The following IPO11 variants were observed in gnomAD, a reference collection of about 807,000 sequenced individuals.
The protein encoded by IPO11 is importin 11, also known as importin-11.
IPO11 carries 66 observed loss-of-function variants against 143.2 expected under a neutral mutation model. The observed-to-expected ratio is 0.46, with a 90% CI of 0.38 to 0.57. The LOEUF (loss-of-function observed/expected upper bound fraction) is 0.57. IPO11 is among the 20% of genes least tolerant of loss of function. The pLI is 0.00. For missense variants in IPO11, 1,026 were observed against 1,141.0 expected (o/e 0.90, Z 1.45); for synonymous variants, 385 against 377.8 (o/e 1.02, Z -0.22).
At chr5:62,427,153 T>C (rs153861) in intron 1 of IPO11, among the ~76,000 whole-genome samples, 46,490 of 151,362 alleles carry the variant, frequency 0.31, 7,520 homozygotes, top group East Asian at 0.46. Context: ...TTGACCAGGC[T>C]GGTCTCGAGC....
intron 5 of IPO11, among the ~76,000 whole-genome samples, chr5:62,454,169 T>C (rs1233653144): frequency 6.6e-6 from 1 of 152,158 alleles, no homozygotes; most frequent in Non-Finnish European, 1.5e-5. Context: ...GCCAGTCTTA[T>C]GTTCATCCTA....
At chr5:62,545,929 A>T (rs1424259290) in intron 24 of IPO11, among the ~76,000 whole-genome samples, 1 of 152,354 alleles carries the variant, frequency 6.6e-6, no homozygotes, top group African/African-American at 2.4e-5. Flanking sequence ...AATGGCAACC[A>T]TTAAAAAGTC....
At chr5:62,556,225 T>C (rs555096446) in intron 26 of IPO11, among the ~76,000 whole-genome samples, 32 of 152,294 alleles carry the variant, frequency 2.1e-4, no homozygotes, top group Admixed American at 1.4e-3. Context: ...CTTGGGGGGC[T>C]GAGGCAGGAG....
intron 26 of IPO11, among the ~76,000 whole-genome samples, chr5:62,559,583 T>G (rs1486122749): frequency 1.3e-5 from 2 of 152,102 alleles, no homozygotes; most frequent in Non-Finnish European, 2.9e-5. Flanking sequence ...CTTTGTTGCT[T>G]TTGTTTTTGT....
chr5:62,421,737 G>T (rs1269724017), intron 1 of IPO11, among the ~76,000 whole-genome samples: 2 of 152,182 alleles, frequency 1.3e-5, no homozygotes, highest in East Asian at 3.8e-4. Context: ...ACAACTGAGA[G>T]AAAAATTATT....
chr5:62,494,174 T>C, intron 16 of IPO11, 50 bp downstream of exon 16: 2 of 1,528,048 alleles, frequency 1.3e-6, no homozygotes, highest in South Asian at 1.2e-5. Context: ...GTTTCATCTG[T>C]GCAAATCATC....
At chr5:62,565,405 G>C (rs1743899269) in intron 27 of IPO11, among the ~76,000 whole-genome samples, 1 of 152,158 alleles carries the variant, frequency 6.6e-6, no homozygotes, top group Admixed American at 6.5e-5. Flanking sequence ...AGAATTGCTT[G>C]AACCCGGGAG....
intron 1 of IPO11, among the ~76,000 whole-genome samples, chr5:62,414,342 G>C (rs1467546411): frequency 6.6e-6 from 1 of 152,022 alleles, no homozygotes; most frequent in African/African-American, 2.4e-5. Flanking sequence ...TTCAAATTTT[G>C]GGTAAGGTAA....
chr5:62,559,814 G>A (rs893101815), intron 26 of IPO11, among the ~76,000 whole-genome samples: 1 of 149,776 alleles, frequency 6.7e-6, no homozygotes, highest in African/African-American at 2.5e-5. Flanking sequence ...TACTTGGGAG[G>A]CTCAGGCAGG....
At chr5:62,479,092 C>A (rs1161483294) in intron 9 of IPO11, among the ~76,000 whole-genome samples, 1 of 152,136 alleles carries the variant, frequency 6.6e-6, no homozygotes, top group Non-Finnish European at 1.5e-5. Flanking sequence ...CCCCATTCCA[C>A]CACCCCACGG....
At chr5:62,419,209 T>G in intron 1 of IPO11, 2 of 1,438,632 alleles carry the variant, frequency 1.4e-6, no homozygotes. Context: ...ATGGTACATC[T>G]GTACAGGGCA....
chr5:62,486,120 A>G (rs1161290761), intron 12 of IPO11, among the ~76,000 whole-genome samples: 3 of 151,528 alleles, frequency 2.0e-5, no homozygotes, highest in Non-Finnish European at 4.4e-5. Context: ...AGCTGGGAAT[A>G]CAGGCGCCCG....
intron 27 of IPO11, chr5:62,580,084 TTA>T (rs772975524): frequency 6.4e-7 from 1 of 1,551,142 alleles, no homozygotes; most frequent in Non-Finnish European, 8.7e-7. Context: ...AAGTAATAAT[TTA>T]ACAAAAGTAC....
At chr5:62,488,162 A>T (rs1173062954) in intron 13 of IPO11, among the ~76,000 whole-genome samples, 1 of 152,170 alleles carries the variant, frequency 6.6e-6, no homozygotes, top group African/African-American at 2.4e-5. Context: ...TAGTGAGAAA[A>T]GGTTAAAATA....
At chr5:62,504,817 T>G in intron 17 of IPO11, 41 bp from the exon 18 acceptor site, 1 of 1,419,708 alleles carries the variant, frequency 7.0e-7, no homozygotes, top group East Asian at 2.3e-5. Context: ...TTTATTTTGA[T>G]AAAACTTATA....
At chr5:62,503,588 T>C (rs189124000) in intron 16 of IPO11, among the ~76,000 whole-genome samples, 34 of 152,208 alleles carry the variant, frequency 2.2e-4, no homozygotes, top group African/African-American at 7.7e-4. Context: ...TACCTGACCA[T>C]ACTGTCTTTT....
chr5:62,519,006 G>A (rs1742121275), intron 20 of IPO11, among the ~76,000 whole-genome samples: 2 of 152,186 alleles, frequency 1.3e-5, no homozygotes. Flanking sequence ...TATTGCTATT[G>A]GGGGTACATG....
chr5:62,576,533 G>C (rs776002882), intron 27 of IPO11, among the ~76,000 whole-genome samples: 2 of 152,166 alleles, frequency 1.3e-5, no homozygotes, highest in East Asian at 3.9e-4. Context: ...GCTCACACCT[G>C]TAATCCCAGC....
In IPO11 at chr5:62,504,958, A is replaced by G. The variant is rs1223279854; in HGVS notation, c.1665+60A>G. On this transcript the variant is annotated intron_variant, in intron 18 of 29. Transcript: ENST00000325324. Reference sequence around the variant, plus strand: ...AAACAATTTCTGCTTATGTCTTTGAATACTATTTTATACATGAAATTATCT... The same window carrying G: ...AAACAATTTCTGCTTATGTCTTTGAGTACTATTTTATACATGAAATTATCT... 3 of 873,606 alleles carry G rather than the reference A, an allele frequency of 3.4e-6. No homozygotes were observed. The African/African-American group carries it at 5.2e-5, about 15-fold the overall frequency. The allele number at this position is 873,606 out of a possible 1,614,324, so 54.1% of individuals were successfully genotyped here. A position where few individuals can be genotyped will look rare whatever the true frequency, so the allele number is the denominator to read the frequency against.
Sources: allele counts gnomAD v4.1 joint callset (sites outside exome capture counted in the v4.1 genomes callset), GRCh38; gene constraint gnomAD v4.1.1; transcripts MANE v1.5; gene names NCBI Gene and HGNC (gene_info 2026-07-23, HGNC 2026-07-21).